GPHN: variants seen among roughly 807,000 people sequenced by gnomAD.
GPHN encodes the protein gephyrin.
In GPHN, 17 loss-of-function variants were observed where a neutral mutation model predicts 95.5. The ratio of observed to expected loss-of-function variants is 0.18; its 90% CI spans 0.12 to 0.27. GPHN has a LOEUF of 0.27. GPHN is among the 10% of genes least tolerant of loss of function. The pLI is 1.00. For missense variants in GPHN, 660 were observed against 978.1 expected (o/e 0.67, Z 4.34); for synonymous variants, 320 against 322.5 (o/e 0.99, Z 0.08).
intron 2 of GPHN, among the ~76,000 whole-genome samples, chr14:66,719,377 G>C (rs575230590): frequency 1.4e-4 from 22 of 152,164 alleles, no homozygotes; most frequent in Non-Finnish European, 2.6e-4. Flanking sequence ...GGTAAGGTCA[G>C]AATCTTTTCC....
At chr14:67,348,548 G>A in the GPHN span, among the ~76,000 whole-genome samples, 16 of 151,108 alleles carry the variant, frequency 1.1e-4, no homozygotes, top group Middle Eastern at 6.8e-3. Context: ...TTTAGACAGA[G>A]TCTTGCTCTG....
chr14:67,671,061 G>A, the GPHN span, among the ~76,000 whole-genome samples: 6 of 152,266 alleles, frequency 3.9e-5, no homozygotes, highest in African/African-American at 1.2e-4. Flanking sequence ...TCAGAGATGA[G>A]GCACCATGTG....
At chr14:66,634,737 A>G (rs1444995617) in intron 1 of GPHN, among the ~76,000 whole-genome samples, 1 of 152,194 alleles carries the variant, frequency 6.6e-6, no homozygotes, top group East Asian at 1.9e-4. Context: ...CACAGGAACC[A>G]GCTATAAGAT....
At chr14:66,961,972 C>T (rs554725215) in intron 8 of GPHN, among the ~76,000 whole-genome samples, 19 of 130,878 alleles carry the variant, frequency 1.5e-4, no homozygotes, top group Non-Finnish European at 2.6e-4. Context: ...GAAATTTACT[C>T]ACATGGGTAT....
At chr14:67,725,505 T>C in the GPHN span, among the ~76,000 whole-genome samples, 17 of 152,224 alleles carry the variant, frequency 1.1e-4, no homozygotes, top group African/African-American at 4.1e-4. Flanking sequence ...GCTTGCACCT[T>C]GGCATCAAGG....
chr14:67,250,206 C>T, the GPHN span, among the ~76,000 whole-genome samples: 1 of 152,172 alleles, frequency 6.6e-6, no homozygotes, highest in Non-Finnish European at 1.5e-5. Flanking sequence ...TTCCTTCCTC[C>T]AGGAACGTTC....
At chr14:67,541,947 G>A in the GPHN span, 4 of 1,607,602 alleles carry the variant, frequency 2.5e-6, no homozygotes, top group Non-Finnish European at 3.4e-6. Flanking sequence ...CAGCTTTTCC[G>A]GTTCCGCCTA....
the GPHN span, chr14:67,600,101 G>T: frequency 5.6e-6 from 9 of 1,595,618 alleles, no homozygotes; most frequent in Non-Finnish European, 1.7e-6. Context: ...AGCGAGAGCC[G>T]AGGGCAGCTG....
the GPHN span, chr14:67,332,648 G>T: frequency 2.4e-6 from 2 of 850,164 alleles, no homozygotes; most frequent in Non-Finnish European, 1.8e-6. Context: ...GGTTGGAAAG[G>T]AGCTCCTGAG....
rs536111259 is a variant in GPHN at position 67,112,079 on chromosome 14, A to C, written c.1472+160A>C. On this transcript the variant is annotated intron_variant, in intron 15 of 22. Transcript: ENST00000478722. ...ATGAATGTTATGAATTCTGTATCAC[A>C]TATCTGCCCTGCCTACTTTTTAATG... Among the ~76,000 whole-genome samples the C allele has an allele frequency of 5.6e-4, 85 of 152,342 alleles. 1 individual carries two copies. Among genetic ancestry groups the C allele is most frequent in the Admixed American group, 3.3e-3 (50 of 15,298 alleles).
chr14:67,095,966 C>CAAAAAAAAAAAA, intron 12 of GPHN, among the ~76,000 whole-genome samples: 1 of 67,086 alleles, frequency 1.5e-5, no homozygotes, highest in Non-Finnish European at 3.6e-5. Flanking sequence ...AAGAAAAAGG[C>CAAAAAAAAAAAA]AAAAAAAAAA....
At chr14:67,189,487 G>A in the GPHN span, 5 of 152,322 alleles carry the variant, frequency 3.3e-5, no homozygotes, top group Non-Finnish European at 5.9e-5. Flanking sequence ...AATGTGAAAA[G>A]AGTGGAAACG....
chr14:66,795,594 A>T (rs759472550), intron 3 of GPHN, among the ~76,000 whole-genome samples: 1 of 152,114 alleles, frequency 6.6e-6, no homozygotes, highest in Non-Finnish European at 1.5e-5. Flanking sequence ...TTTTTTAAGG[A>T]CTACCCAAGG....
chr14:67,134,447 C>T (rs2153699259), intron 17 of GPHN, among the ~76,000 whole-genome samples: 1 of 152,302 alleles, frequency 6.6e-6, no homozygotes, highest in East Asian at 1.9e-4. Context: ...ATATGTTTAG[C>T]AGTATCTTTT....
chr14:67,022,568 GGTGTGTGTGTGT>G (rs72312422), intron 9 of GPHN, among the ~76,000 whole-genome samples: 102 of 20,884 alleles, frequency 4.9e-3, no homozygotes, highest in African/African-American at 0.017. Context: ...TTTTTTTTTT[GGTGTGTGTGTGT>G]GTGTGTGTGT....
intron 3 of GPHN, 78 bp from the exon 4 acceptor site, chr14:66,824,396 A>T: frequency 1.4e-6 from 1 of 738,032 alleles, no homozygotes; most frequent in East Asian, 2.6e-5. Context: ...CGTTGAATAC[A>T]AAGTGTCCTA....
the GPHN span, among the ~76,000 whole-genome samples, chr14:67,203,748 T>G: frequency 6.6e-6 from 1 of 152,250 alleles, no homozygotes; most frequent in Admixed American, 6.5e-5. Flanking sequence ...AGTCTTGCAC[T>G]GTCACCCAGG....
the GPHN span, among the ~76,000 whole-genome samples, chr14:67,422,017 C>A: frequency 6.6e-6 from 1 of 152,086 alleles, no homozygotes; most frequent in South Asian, 2.1e-4. Context: ...CTTAGAATAC[C>A]CTCTAGCTGG....
At chr14:66,936,138 G>A (rs1328007848) in intron 8 of GPHN, among the ~76,000 whole-genome samples, 2 of 152,166 alleles carry the variant, frequency 1.3e-5, no homozygotes, top group African/African-American at 4.8e-5. Context: ...CAGCACTTTG[G>A]AAGGCTGAGG....
Sources: gnomAD v4.1 joint callset for allele counts (sites outside exome capture counted in the v4.1 genomes callset) on GRCh38, gnomAD v4.1.1 for gene constraint, MANE v1.5 for transcripts, NCBI Gene and HGNC (gene_info 2026-07-23, HGNC 2026-07-21) for gene names.